TENM2: variants seen among roughly 807,000 people sequenced by gnomAD.
TENM2 encodes the protein teneurin-2.
TENM2 carries 52 observed loss-of-function variants against 245.2 expected under a neutral mutation model. The observed-to-expected ratio is 0.21, with a 90% confidence interval of 0.17 to 0.27. The LOEUF is 0.27. Among genes scored for constraint, TENM2 ranks in the 10% least tolerant of loss-of-function variants. The probability of loss-of-function intolerance (pLI) is 1.00; values close to 1 mark genes in which losing one functional copy is unlikely to be tolerated. For missense variants in TENM2, 3,046 were observed against 3,666.8 expected (o/e 0.83, Z 4.37); for synonymous variants, 1,363 against 1,438.9 (o/e 0.95, Z 1.19).
At chr5:166,997,806 T>C in the TENM2 span, among the ~76,000 whole-genome samples, 720 of 152,280 alleles carry the variant, frequency 4.7e-3, 4 homozygotes, top group African/African-American at 0.016. Context: ...TATTGACTTA[T>C]GCTAAGTGCC....
chr5:167,916,485 C>A (rs1357727136), intron 3 of TENM2, among the ~76,000 whole-genome samples: 1 of 152,136 alleles, frequency 6.6e-6, no homozygotes, highest in Non-Finnish European at 1.5e-5. Context: ...TCATCAATCC[C>A]GGGGAGCAAC....
intron 2 of TENM2, among the ~76,000 whole-genome samples, chr5:167,598,082 G>A (rs569696935): frequency 1.3e-4 from 20 of 152,338 alleles, no homozygotes; most frequent in African/African-American, 4.6e-4. Flanking sequence ...GAAGCATGAA[G>A]GAGTGAGGCA....
chr5:167,640,321 A>G (rs1438440680), intron 2 of TENM2, among the ~76,000 whole-genome samples: 2 of 152,188 alleles, frequency 1.3e-5, no homozygotes, highest in Admixed American at 1.3e-4. Context: ...AACAAATTGC[A>G]GATTTGCTTG....
chr5:167,766,345 A>C (rs1763018916), intron 2 of TENM2, among the ~76,000 whole-genome samples: 1 of 152,216 alleles, frequency 6.6e-6, no homozygotes, highest in Non-Finnish European at 1.5e-5. Flanking sequence ...CAGTGGGATG[A>C]TACAGAATTA....
chr5:167,888,603 A>G (rs1411573661), intron 3 of TENM2, among the ~76,000 whole-genome samples: 2 of 152,260 alleles, frequency 1.3e-5, no homozygotes, highest in Non-Finnish European at 2.9e-5. Flanking sequence ...AAAGAAAGCC[A>G]GAAGCAAACA....
chr5:167,366,637 A>G (rs190528470), intron 1 of TENM2, among the ~76,000 whole-genome samples: 1 of 152,166 alleles, frequency 6.6e-6, no homozygotes, highest in Non-Finnish European at 1.5e-5. Flanking sequence ...CTTAGGCTAT[A>G]TGGTGACTGT....
chr5:167,913,434 T>G (rs1776699583), intron 3 of TENM2, among the ~76,000 whole-genome samples: 1 of 152,232 alleles, frequency 6.6e-6, no homozygotes, highest in African/African-American at 2.4e-5. Flanking sequence ...GCTCTTTTTA[T>G]CCTTTTCTCG....
chr5:167,801,690 C>T (rs891098725), intron 2 of TENM2, among the ~76,000 whole-genome samples: 1 of 152,070 alleles, frequency 6.6e-6, no homozygotes, highest in Non-Finnish European at 1.5e-5. Context: ...AGGGGATATG[C>T]CTCCTGAGAG....
At chr5:167,588,525 G>A (rs1775659845) in intron 2 of TENM2, among the ~76,000 whole-genome samples, 1 of 152,138 alleles carries the variant, frequency 6.6e-6, no homozygotes, top group African/African-American at 2.4e-5. Flanking sequence ...GCATTGTTAA[G>A]GGATATTGTT....
At chr5:167,552,999 G>C (rs1398913162) in intron 2 of TENM2, among the ~76,000 whole-genome samples, 1 of 152,166 alleles carries the variant, frequency 6.6e-6, no homozygotes, top group Admixed American at 6.5e-5. Flanking sequence ...GTCTAGTAGA[G>C]AAGCAAGACA....
chr5:168,100,926 A>T (rs1373392613), intron 9 of TENM2, among the ~76,000 whole-genome samples: 2 of 79,288 alleles, frequency 2.5e-5, no homozygotes, highest in Admixed American at 2.1e-4. Context: ...AGTATAATTA[A>T]AAAAAAAAAA....
At chr5:168,038,225 C>A (rs1353931600) in intron 5 of TENM2, among the ~76,000 whole-genome samples, 2 of 152,176 alleles carry the variant, frequency 1.3e-5, no homozygotes, top group Non-Finnish European at 2.9e-5. Flanking sequence ...TATCACAGAG[C>A]CTGGCACATG....
intron 3 of TENM2, among the ~76,000 whole-genome samples, chr5:167,892,864 T>TG (rs1774869750): frequency 1.3e-5 from 2 of 152,166 alleles, no homozygotes; most frequent in African/African-American, 2.4e-5. Flanking sequence ...AGATAATGTG[T>TG]GGAAAAAAAT....
chr5:167,870,550 T>TATAC (rs1313224216), intron 2 of TENM2, among the ~76,000 whole-genome samples: 2 of 128,414 alleles, frequency 1.6e-5, no homozygotes, highest in Non-Finnish European at 3.2e-5. Flanking sequence ...AAAGAATGTG[T>TATAC]ATACATATAT....
At chr5:167,448,721 G>A (rs4495205) in intron 2 of TENM2, among the ~76,000 whole-genome samples, 149,532 of 151,772 alleles carry the variant, frequency 0.99, 73,697 homozygotes, top group Middle Eastern at 1. Context: ...GGAACGTACC[G>A]AGAAAGTTTA....
At chr5:167,471,334 A>T (rs2127511303) in intron 2 of TENM2, among the ~76,000 whole-genome samples, 1 of 152,322 alleles carries the variant, frequency 6.6e-6, no homozygotes, top group Middle Eastern at 3.4e-3. Flanking sequence ...CTGTGTAATT[A>T]AGTAGAGTTC....
chr5:167,143,627 C>A, the TENM2 span, among the ~76,000 whole-genome samples: 1 of 151,988 alleles, frequency 6.6e-6, no homozygotes, highest in Non-Finnish European at 1.5e-5. Flanking sequence ...TTTGAGTAGG[C>A]CTTAACCACT....
At chr5:167,918,002 A>G (rs1223090131) in intron 3 of TENM2, among the ~76,000 whole-genome samples, 1 of 152,206 alleles carries the variant, frequency 6.6e-6, no homozygotes, top group East Asian at 1.9e-4. Flanking sequence ...TGGCTATAAA[A>G]GACAACAATA....
At chr5:167,188,573 C>A in the TENM2 span, among the ~76,000 whole-genome samples, 1 of 151,962 alleles carries the variant, frequency 6.6e-6, no homozygotes, top group African/African-American at 2.4e-5. Context: ...GCAAACAGCT[C>A]ACTTTTGACA....
Sources: gnomAD v4.1 joint callset for allele counts (sites outside exome capture counted in the v4.1 genomes callset) on GRCh38, gnomAD v4.1.1 for gene constraint, MANE v1.5 for transcripts, NCBI Gene and HGNC (gene_info 2026-07-23, HGNC 2026-07-21) for gene names.